OSBPL5: variants seen among roughly 807,000 people sequenced by gnomAD.
OSBPL5 encodes the protein oxysterol binding protein like 5.
A neutral mutation model predicts 111.2 loss-of-function variants in OSBPL5; 71 were observed. That is an observed-to-expected ratio of 0.64 (90% CI 0.53 to 0.78). OSBPL5 has a LOEUF of 0.78. Ranked by LOEUF, OSBPL5 falls within the 30% of genes least tolerant of loss-of-function variation. The pLI, the probability that OSBPL5 is intolerant of heterozygous loss-of-function variation, is 0.00. For synonymous variants in OSBPL5, 549 were observed against 513.9 expected (o/e 1.07, Z -0.93); for missense variants, 1,210 against 1,189.3 (o/e 1.02, Z -0.26).
At chr11:3,143,528 C>A (rs1308339431) in intron 1 of OSBPL5, among the ~76,000 whole-genome samples, 1 of 152,218 alleles carries the variant, frequency 6.6e-6, no homozygotes, top group Non-Finnish European at 1.5e-5. Context: ...CTTCAGGAGG[C>A]AGGAAGCACG....
rs1280074251 is a variant in OSBPL5 at position 3,121,227 on chromosome 11, T to C, written c.403-603A>G. On this transcript the variant is annotated intron_variant, in intron 5 of 21. Coordinates refer to ENST00000263650, the MANE Select transcript of OSBPL5 (RefSeq NM_020896.4). The surrounding 1 kb of genome is among the most constrained non-coding windows in gnomAD (Gnocchi z 4.3). Reference sequence around the variant, plus strand: ...CGCCCGCCACCATGCCTGGCTAATTTCTGTATTTTTAGTAGAGACGGGGTT... The same window carrying C: ...CGCCCGCCACCATGCCTGGCTAATTCCTGTATTTTTAGTAGAGACGGGGTT... Among the ~76,000 whole-genome samples, 2 of 151,966 alleles carry C rather than the reference T, an allele frequency of 1.3e-5. No individual in the cohort carries two copies. Among genetic ancestry groups the C allele is most frequent in the African/African-American group, 4.8e-5 (2 of 41,348 alleles).
intron 21 of OSBPL5, 84 bp from the exon 22 acceptor site, chr11:3,088,427 C>T: frequency 7.4e-7 from 1 of 1,348,246 alleles, no homozygotes; most frequent in South Asian, 1.8e-5. Flanking sequence ...GCCCTGGGTA[C>T]TTGACCAGGT....
rs753757022 is a variant in OSBPL5, at chr11:3,107,727, AC to A, written c.866+43del. On this transcript the variant is annotated intron_variant, in intron 8 of 21. Coordinates refer to ENST00000263650, the MANE Select transcript of OSBPL5 (RefSeq NM_020896.4). The surrounding 1 kb of genome is among the most constrained non-coding windows in gnomAD (Gnocchi z 6.1). The stretch of plus-strand genomic sequence containing the variant: ...TCCCCTCTTCCTCGCCTACAAGGAG[AC>A]CCCGTGAATCACCACCAGCCCCTGT... The A allele has an allele frequency of 1.9e-6, 3 of 1,598,182 alleles. No individual in the cohort carries two copies. Among genetic ancestry groups the A allele is most frequent in the Non-Finnish European group, 1.7e-6 (2 of 1,174,472 alleles).
chr11:3,100,668 T>C (rs1351781478), intron 13 of OSBPL5, among the ~76,000 whole-genome samples: 1 of 152,150 alleles, frequency 6.6e-6, no homozygotes, highest in Non-Finnish European at 1.5e-5. Flanking sequence ...AAAGGTGGGC[T>C]GAACCTGAGG....
In OSBPL5 at chr11:3,103,215, C is replaced by T. The variant is rs763050680; in HGVS notation, c.1326+24G>A. ...ACAGACTCCTGGGCCGGAGCCCCAC[C>T]CTCCCTGGCTGGCAGGGGCTCACCT... On this transcript the variant is annotated intron_variant, in intron 11 of 21. Coordinates refer to ENST00000263650, the MANE Select transcript of OSBPL5 (RefSeq NM_020896.4). The T allele has an allele frequency of 2.5e-6, 4 of 1,580,290 alleles. No homozygotes were observed. In the African/African-American group the frequency reaches 4.1e-5, roughly 16 times the overall value.
intron 7 of OSBPL5, among the ~76,000 whole-genome samples, chr11:3,112,168 G>GT (rs1858018536): frequency 6.6e-6 from 1 of 151,476 alleles, no homozygotes; most frequent in Non-Finnish European, 1.5e-5. Context: ...TCATGTTTCT[G>GT]TTTTTGTTTT....
rs1857099559 is a variant in OSBPL5, at chr11:3,092,538, A to G, written c.2153T>C (p.Leu718Pro). 1.9e-6 allele frequency: 3 copies of G among 1,590,336 alleles called. No homozygotes were observed. Among genetic ancestry groups the G allele is most frequent in the Non-Finnish European group, 2.6e-6 (3 of 1,168,582 alleles). ...TTGCTCAAACTGGGCGATGTCCTTC[A>G]GGGGGTCCCAGGGGCTGTGGCTGGA... ...RYEDHSPWDP[L>P]KDIAQFEQDG... Residue 718 changes from leucine (L) to proline (P), a missense_variant, in exon 19 of 22, where the codon CTG becomes CCG. By Grantham distance (98) the Leu-to-Pro change is moderately conservative. Coordinates refer to ENST00000263650, the MANE Select transcript of OSBPL5 (RefSeq NM_020896.4). This position sits in a 1 kb window ranked among gnomAD's most constrained non-coding sequence, Gnocchi z 5.4.
intron 1 of OSBPL5, among the ~76,000 whole-genome samples, chr11:3,132,367 C>A (rs1266497383): frequency 3.3e-5 from 5 of 152,154 alleles, no homozygotes; most frequent in African/African-American, 1.2e-4. Flanking sequence ...TCTGTGGAGC[C>A]CTTCTGGAGC....
At position 3,087,849 on chromosome 11, in the gene OSBPL5, G is replaced by A. The variant is rs1053044495; in HGVS notation, c.*356C>T. On this transcript the variant is annotated 3_prime_UTR_variant, in exon 22 of 22. Coordinates refer to ENST00000263650, the MANE Select transcript of OSBPL5 (RefSeq NM_020896.4). The stretch of plus-strand genomic sequence containing the variant: ...CTGCTGCTGGGGTGTGACTGTCCAG[G>A]GCCCCCACAGGCCCTCCCACCCTAA... 4 of 181,340 alleles carry A rather than the reference G, an allele frequency of 2.2e-5. No homozygotes were observed. The highest frequency in any genetic ancestry group is 4.6e-5 in the Non-Finnish European group (4 of 87,514). The allele number at this position is 181,340 out of a possible 1,614,324, so 11.2% of individuals were successfully genotyped here.
Position 3,105,969 on chromosome 11 carries a change from C to A in OSBPL5, c.1059+1294G>T, listed in dbSNP as rs1211891848. ...AGCTTTCTCCTAACAATGGGTCTTC[C>A]CTACGGGTGGCCCAGTGTCCACCCC... On this transcript the variant is annotated intron_variant, in intron 9 of 21. Coordinates refer to ENST00000263650, the MANE Select transcript of OSBPL5 (RefSeq NM_020896.4). This position sits in a 1 kb window ranked among gnomAD's most constrained non-coding sequence, Gnocchi z 5.2. Among the ~76,000 whole-genome samples the A allele has an allele frequency of 6.6e-6, 1 of 152,218 alleles. No homozygotes were observed. The highest frequency in any genetic ancestry group is 1.5e-5 in the Non-Finnish European group (1 of 68,030).
intron 14 of OSBPL5, among the ~76,000 whole-genome samples, chr11:3,096,973 AG>A (rs1857280729): frequency 4.2e-5 from 2 of 48,068 alleles, no homozygotes; most frequent in South Asian, 6.8e-4. Context: ...AAGAGGAAAG[AG>A]GGGGAAGGTG....
chr11:3,119,626 G>A lies in OSBPL5; in HGVS notation c.612C>T (p.Pro204=), dbSNP rs768426102. ...TGATGGAGCCCACGCTCTCACCTTT[G>A]GGGCCCTGGAGAGAGAGAGATCTGG... ...LDQSVWAVKG[P]KGESVGSITQ... The change falls in exon 7 of 22, where the codon CCC becomes CCT. Residue 204 remains proline, a synonymous_variant. Coordinates refer to ENST00000263650, the MANE Select transcript of OSBPL5 (RefSeq NM_020896.4). 5 of 1,577,494 alleles carry A rather than the reference G, an allele frequency of 3.2e-6. No individual in the cohort carries two copies. Among genetic ancestry groups the A allele is most frequent in the Non-Finnish European group, 3.4e-6 (4 of 1,165,786 alleles).
chr11:3,100,966 CATTTCTTTTTTTTTT>C (rs1314938225), intron 13 of OSBPL5, among the ~76,000 whole-genome samples: 1 of 143,984 alleles, frequency 6.9e-6, no homozygotes, highest in African/African-American at 2.6e-5. Flanking sequence ...GTTTCAGTTT[CATTTCTTTTTTTTTT>C]TTTTTTTTTT....
rs577244703 is a variant in OSBPL5, at chr11:3,126,688, G to A, written c.137-133C>T. On this transcript the variant is annotated intron_variant, in intron 2 of 21. Transcript: ENST00000263650. This position sits in a 1 kb window ranked among gnomAD's most constrained non-coding sequence, Gnocchi z 6.5. Reference sequence around the variant, plus strand: ...AGGGGCAGGAAGTCAGCCGGAGGTGGTGGCAGGAACAGGACACTGCCTGAG... The same window carrying A: ...AGGGGCAGGAAGTCAGCCGGAGGTGATGGCAGGAACAGGACACTGCCTGAG... 1.7e-4 allele frequency: 111 copies of A among 653,164 alleles called. 2 individuals are homozygous for A. Among genetic ancestry groups the A allele is most frequent in the South Asian group, 1.6e-3 (78 of 50,258 alleles). The allele number at this position is 653,164 out of a possible 1,614,324, so 40.5% of individuals were successfully genotyped here. A position where few individuals can be genotyped will look rare whatever the true frequency, so the allele number is the denominator to read the frequency against.
chr11:3,116,771 C>G (rs1022740633), intron 7 of OSBPL5, among the ~76,000 whole-genome samples: 2 of 149,650 alleles, frequency 1.3e-5, no homozygotes, highest in Non-Finnish European at 2.9e-5. Context: ...AGGAGAATTG[C>G]TTGAACCCAG....
At chr11:3,134,864 T>G (rs1045880071) in intron 1 of OSBPL5, among the ~76,000 whole-genome samples, 2 of 151,944 alleles carry the variant, frequency 1.3e-5, no homozygotes, top group African/African-American at 4.8e-5. Context: ...CAAGTGTGGG[T>G]GCCGGGTGCA....
At chr11:3,127,062 G>A (rs1001087557) in intron 2 of OSBPL5, among the ~76,000 whole-genome samples, 3 of 152,308 alleles carry the variant, frequency 2.0e-5, no homozygotes, top group African/African-American at 7.2e-5. Context: ...AGGCAAAGGA[G>A]GGAGACCTGA....
intron 1 of OSBPL5, among the ~76,000 whole-genome samples, chr11:3,152,359 A>G (rs1278347119): frequency 6.6e-6 from 1 of 152,252 alleles, no homozygotes; most frequent in Non-Finnish European, 1.5e-5. Flanking sequence ...GAGTTGATTT[A>G]TTAAAGATCT....
intron 1 of OSBPL5, among the ~76,000 whole-genome samples, chr11:3,132,053 T>TC (rs1564850626): frequency 7.5e-5 from 7 of 93,396 alleles, no homozygotes; most frequent in African/African-American, 1.2e-4. Context: ...ATCCATCCAT[T>TC]CACCCACCTG....
Sources: allele counts gnomAD v4.1 joint callset (sites outside exome capture counted in the v4.1 genomes callset), GRCh38; gene constraint gnomAD v4.1.1; non-coding constraint Gnocchi (gnomAD v3.1); transcripts MANE v1.5; gene names NCBI Gene and HGNC (gene_info 2026-07-23, HGNC 2026-07-21).